CCDC178: variants seen among roughly 807,000 people sequenced by gnomAD.
CCDC178 encodes the protein coiled-coil domain-containing protein 178.
A neutral mutation model predicts 117.4 loss-of-function variants in CCDC178; 126 were observed. That is an observed-to-expected ratio of 1.07 (90% CI 0.93 to 1.24). CCDC178 has a LOEUF of 1.24. Among genes scored for constraint, CCDC178 ranks in the 50% most tolerant of loss-of-function variants. The pLI, the probability that CCDC178 is intolerant of heterozygous loss-of-function variation, is 0.00. For synonymous variants in CCDC178, 283 were observed against 313.4 expected (o/e 0.90, Z 1.02); for missense variants, 1,030 against 986.9 (o/e 1.04, Z -0.59).
At chr18:33,435,976 A>G (rs756483895) in intron 2 of CCDC178, among the ~76,000 whole-genome samples, 3 of 152,116 alleles carry the variant, frequency 2.0e-5, no homozygotes, top group Non-Finnish European at 4.4e-5. Context: ...TGACGATGGT[A>G]TATGTGTGTC....
chr18:33,269,651 T>G (rs7351029), intron 12 of CCDC178, among the ~76,000 whole-genome samples: 10,440 of 151,862 alleles, frequency 0.069, 557 homozygotes, highest in African/African-American at 0.14. Flanking sequence ...AGAGACTTCA[T>G]GGGCTGCACA....
rs145400510 is a variant in CCDC178, at chr18:33,289,889, C to T, written c.1176+3270G>A. 7.8e-3 allele frequency among the ~76,000 whole-genome samples: 1,193 copies of T among 152,148 alleles called. 11 individuals are homozygous for T. The highest frequency in any genetic ancestry group is 0.024 in the Middle Eastern group (7 of 294). On this transcript the variant is annotated intron_variant, in intron 12 of 22. Transcript: ENST00000383096. ...GAAAAAGTTAAAGATATTGAGTATG[C>T]TTAACATCTGTCAAGTGAAATATGC...
intron 6 of CCDC178, among the ~76,000 whole-genome samples, chr18:33,365,179 T>C (rs928680740): frequency 1.3e-5 from 2 of 152,028 alleles, no homozygotes; most frequent in African/African-American, 2.4e-5. Flanking sequence ...TTAAATACAA[T>C]AGAACTAATA....
At chr18:33,089,499 T>TCACAACAAG (rs2057430878) in intron 21 of CCDC178, among the ~76,000 whole-genome samples, 1 of 152,150 alleles carries the variant, frequency 6.6e-6, no homozygotes, top group South Asian at 2.1e-4. Context: ...ACACAAGTAT[T>TCACAACAAG]TGTTACGTGT....
At chr18:33,036,671 T>G in intron 21 of CCDC178, among the ~76,000 whole-genome samples, 1 of 151,954 alleles carries the variant, frequency 6.6e-6, no homozygotes, top group East Asian at 1.9e-4. Flanking sequence ...TGCGAGAGTC[T>G]ACAGTGTAAA....
At chr18:33,190,925 C>T (rs568522247) in intron 20 of CCDC178, among the ~76,000 whole-genome samples, 6 of 152,256 alleles carry the variant, frequency 3.9e-5, no homozygotes, top group African/African-American at 1.4e-4. Flanking sequence ...CTCAGTCCTT[C>T]TATTCAAATA....
At chr18:33,223,574 C>T (rs1308284637) in intron 17 of CCDC178, among the ~76,000 whole-genome samples, 1 of 151,980 alleles carries the variant, frequency 6.6e-6, no homozygotes, top group Non-Finnish European at 1.5e-5. Flanking sequence ...ACTTATTCTT[C>T]CTTACTGTGT....
At chr18:33,340,236 G>A (rs897798645) in intron 9 of CCDC178, among the ~76,000 whole-genome samples, 10 of 152,146 alleles carry the variant, frequency 6.6e-5, no homozygotes, top group African/African-American at 2.4e-4. Context: ...CTGCCCCAGA[G>A]ATATATGGAA....
At chr18:33,089,435 T>C (rs2057429263) in intron 21 of CCDC178, among the ~76,000 whole-genome samples, 1 of 152,076 alleles carries the variant, frequency 6.6e-6, no homozygotes, top group African/African-American at 2.4e-5. Context: ...CCAGGATTAT[T>C]GAGAGACACT....
In CCDC178 at chr18:33,280,608, T is replaced by C. The variant is rs546111533; in HGVS notation, c.1176+12551A>G. On this transcript the variant is annotated intron_variant, in intron 12 of 22. Transcript: ENST00000383096. ...CCCAGCCATCCCATTACTGGGTATATACCCAAAGGACTATAAATCATGCTG... is the reference window on the plus strand; with the variant it reads ...CCCAGCCATCCCATTACTGGGTATACACCCAAAGGACTATAAATCATGCTG... 3.9e-3 allele frequency among the ~76,000 whole-genome samples: 593 copies of C among 152,004 alleles called. 5 individuals carry two copies. The highest frequency in any genetic ancestry group is 0.014 in the African/African-American group (569 of 41,410).
intron 18 of CCDC178, among the ~76,000 whole-genome samples, chr18:33,219,537 C>T (rs1360848130): frequency 5.3e-5 from 8 of 152,068 alleles, no homozygotes; most frequent in Admixed American, 2.0e-4. Flanking sequence ...AAATGTCCAT[C>T]AATGATAGAC....
intron 22 of CCDC178, among the ~76,000 whole-genome samples, chr18:32,963,416 C>T (rs1313634512): frequency 6.6e-6 from 1 of 151,888 alleles, no homozygotes; most frequent in South Asian, 2.1e-4. Flanking sequence ...TATTTCCTGG[C>T]CAATTGTAAA....
chr18:33,353,583 A>C (rs1431028974), intron 7 of CCDC178, among the ~76,000 whole-genome samples: 1 of 151,968 alleles, frequency 6.6e-6, no homozygotes, highest in Non-Finnish European at 1.5e-5. Flanking sequence ...GTTTATCCTG[A>C]GGATTACAAT....
At chr18:33,298,246 A>G (rs1442084888) in intron 11 of CCDC178, among the ~76,000 whole-genome samples, 2 of 152,182 alleles carry the variant, frequency 1.3e-5, no homozygotes, top group East Asian at 3.9e-4. Flanking sequence ...CAGGAAACTA[A>G]TTCCAACAAT....
At chr18:33,396,607 A>G (rs1353067546) in intron 4 of CCDC178, among the ~76,000 whole-genome samples, 1 of 152,190 alleles carries the variant, frequency 6.6e-6, no homozygotes, top group Non-Finnish European at 1.5e-5. Flanking sequence ...GATAACAAGT[A>G]ATGTTGAACA....
At chr18:33,259,656 C>T (rs139586678) in intron 14 of CCDC178, among the ~76,000 whole-genome samples, 2 of 152,100 alleles carry the variant, frequency 1.3e-5, no homozygotes, top group African/African-American at 4.8e-5. Flanking sequence ...AATCACCCCC[C>T]CCCACCAGTC....
chr18:33,371,603 T>C (rs893746395), intron 5 of CCDC178, among the ~76,000 whole-genome samples: 5 of 151,974 alleles, frequency 3.3e-5, no homozygotes, highest in South Asian at 2.1e-4. Flanking sequence ...GTACTAAAAA[T>C]ATATTTCAGG....
At chr18:33,211,476 T>A (rs1180755088) in intron 20 of CCDC178, among the ~76,000 whole-genome samples, 2 of 151,714 alleles carry the variant, frequency 1.3e-5, no homozygotes, top group Non-Finnish European at 2.9e-5. Context: ...TATGCAAAAT[T>A]TTTCTACAGG....
chr18:33,104,521 A>G (rs2057677129), intron 20 of CCDC178, among the ~76,000 whole-genome samples: 1 of 151,644 alleles, frequency 6.6e-6, no homozygotes, highest in Non-Finnish European at 1.5e-5. Context: ...ACATTCAATT[A>G]TTTAAGGTCC....
Sources: allele counts gnomAD v4.1 joint callset (sites outside exome capture counted in the v4.1 genomes callset), GRCh38; gene constraint gnomAD v4.1.1; transcripts MANE v1.5; gene names NCBI Gene and HGNC (gene_info 2026-07-23, HGNC 2026-07-21).